DCHS2: variants seen among roughly 807,000 people sequenced by gnomAD.
DCHS2 encodes dachsous cadherin-related 2.
A neutral mutation model predicts 182.4 loss-of-function variants in DCHS2; 142 were observed. The observed-to-expected ratio is 0.78, with a 90% CI of 0.68 to 0.89. The LOEUF (loss-of-function observed/expected upper bound fraction) is 0.89, where lower values mean the gene tolerates loss of function less well. Ranked by LOEUF, DCHS2 falls within the 40% of genes least tolerant of loss-of-function variation. The pLI is 0.00. For synonymous variants in DCHS2, 1,740 were observed against 1,663.3 expected, an observed-to-expected ratio of 1.05 and a Z score of -1.12; for missense variants, 4,319 against 4,198.6, an observed-to-expected ratio of 1.03 and a Z score of -0.79.
chr4:154,345,923 C>T (rs191088594), intron 3 of DCHS2, among the ~76,000 whole-genome samples: 72 of 152,338 alleles, frequency 4.7e-4, no homozygotes, highest in Non-Finnish European at 9.1e-4. Context: ...GACTGGGTCG[C>T]TCACACTTCT....
intron 13 of DCHS2, among the ~76,000 whole-genome samples, chr4:154,283,562 G>A (rs140388473): frequency 6.6e-6 from 1 of 152,010 alleles, no homozygotes; most frequent in Non-Finnish European, 1.5e-5. Context: ...TAGGATTATA[G>A]ATTTTAATGA....
intron 12 of DCHS2, among the ~76,000 whole-genome samples, chr4:154,299,479 G>A (rs148384847): frequency 6.6e-5 from 10 of 152,250 alleles, no homozygotes; most frequent in East Asian, 1.9e-4. Flanking sequence ...TCATATGCTT[G>A]CCAGCCATAT....
chr4:154,408,839 A>G (rs1439824507), intron 1 of DCHS2, among the ~76,000 whole-genome samples: 1 of 152,162 alleles, frequency 6.6e-6, no homozygotes, highest in Non-Finnish European at 1.5e-5. Context: ...AGGGGACCCC[A>G]GCAGTCCTCA....
intron 3 of DCHS2, chr4:154,357,347 G>A: frequency 6.7e-7 from 1 of 1,501,488 alleles, no homozygotes; most frequent in Non-Finnish European, 9.3e-7. Flanking sequence ...AAGGAGCCAG[G>A]CTGGTGGGAG....
chr4:154,384,611 G>A, intron 1 of DCHS2: 4 of 1,408,476 alleles, frequency 2.8e-6, no homozygotes. Context: ...AGGATTTTGA[G>A]AGGAGAATCT....
chr4:154,300,808 A>G (rs1735169385), intron 12 of DCHS2, among the ~76,000 whole-genome samples: 1 of 152,204 alleles, frequency 6.6e-6, no homozygotes, highest in Non-Finnish European at 1.5e-5. Flanking sequence ...GCGTGCAGGA[A>G]GTGAACACAT....
intron 7 of DCHS2, 98 bp downstream of exon 7, chr4:154,327,995 G>T: frequency 2.6e-6 from 2 of 759,184 alleles, no homozygotes; most frequent in Non-Finnish European, 2.0e-6. Context: ...AGCATTCAAA[G>T]TAATCAAAAT....
intron 1 of DCHS2, among the ~76,000 whole-genome samples, chr4:154,452,649 CA>C (rs70947168): frequency 1.3e-5 from 2 of 150,626 alleles, no homozygotes; most frequent in African/African-American, 4.9e-5. Flanking sequence ...AACAAAAAAA[CA>C]AAAAAAAACT....
chr4:154,388,868 A>G (rs974426121), intron 1 of DCHS2, among the ~76,000 whole-genome samples: 1 of 152,170 alleles, frequency 6.6e-6, no homozygotes, highest in East Asian at 1.9e-4. Context: ...CCTAAAAAAA[A>G]ATTGTATTTG....
intron 1 of DCHS2, among the ~76,000 whole-genome samples, chr4:154,470,994 A>G (rs1735441513): frequency 6.6e-6 from 1 of 152,210 alleles, no homozygotes; most frequent in South Asian, 2.1e-4. Context: ...GTTGCACTAC[A>G]GAAGCAATCT....
chr4:154,341,021 G>A (rs542555499), intron 3 of DCHS2, among the ~76,000 whole-genome samples: 39 of 152,278 alleles, frequency 2.6e-4, no homozygotes, highest in African/African-American at 9.4e-4. Flanking sequence ...ATTTATGTGG[G>A]GGGAGAATCG....
intron 18 of DCHS2, among the ~76,000 whole-genome samples, chr4:154,240,281 C>G (rs1010459750): frequency 7.1e-6 from 1 of 140,572 alleles, no homozygotes; most frequent in Admixed American, 7.4e-5. Context: ...ATTGTCATGA[C>G]AAACTGGACT....
intron 1 of DCHS2, among the ~76,000 whole-genome samples, chr4:154,396,733 C>T (rs547209966): frequency 3.7e-4 from 56 of 152,248 alleles, no homozygotes; most frequent in African/African-American, 1.3e-3. Flanking sequence ...CATGAAATTC[C>T]ATTTCCCACT....
At chr4:154,418,728 A>G (rs1403199958) in intron 1 of DCHS2, among the ~76,000 whole-genome samples, 1 of 152,238 alleles carries the variant, frequency 6.6e-6, no homozygotes, top group Non-Finnish European at 1.5e-5. Flanking sequence ...AAGGGAAAAT[A>G]AAAGTGATTC....
chr4:154,447,630 A>G (rs998212570), intron 1 of DCHS2, among the ~76,000 whole-genome samples: 1 of 152,176 alleles, frequency 6.6e-6, no homozygotes, highest in Non-Finnish European at 1.5e-5. Context: ...GCTTGAGGAA[A>G]AATCACCTGG....
At chr4:154,301,713 G>A (rs1735199750) in intron 12 of DCHS2, among the ~76,000 whole-genome samples, 1 of 152,160 alleles carries the variant, frequency 6.6e-6, no homozygotes, top group East Asian at 1.9e-4. Context: ...TGGTCAGGCT[G>A]GTCTCAAATT....
chr4:154,335,527 T>C (rs961665435), intron 3 of DCHS2, among the ~76,000 whole-genome samples: 1 of 152,218 alleles, frequency 6.6e-6, no homozygotes, highest in African/African-American at 2.4e-5. Context: ...CTGGCTCTCC[T>C]GGTTCTCAGG....
At chr4:154,330,217 G>A (rs564562517) in intron 5 of DCHS2, among the ~76,000 whole-genome samples, 1 of 152,194 alleles carries the variant, frequency 6.6e-6, no homozygotes, top group Non-Finnish European at 1.5e-5. Context: ...GACACAAGTG[G>A]AAGCTGTTAT....
intron 7 of DCHS2, chr4:154,323,115 C>A: frequency 7.3e-7 from 1 of 1,369,496 alleles, no homozygotes; most frequent in Non-Finnish European, 9.7e-7. Context: ...TAAACTGGAA[C>A]TTGTATCCTG....
Sources: gnomAD v4.1 joint callset for allele counts (sites outside exome capture counted in the v4.1 genomes callset) on GRCh38, gnomAD v4.1.1 for gene constraint, MANE v1.5 for transcripts, NCBI Gene and HGNC (gene_info 2026-07-23, HGNC 2026-07-21) for gene names.